MBD5: variants seen among roughly 807,000 people sequenced by gnomAD.
The protein encoded by MBD5 is methyl-CpG-binding domain protein 5.
A neutral mutation model predicts 117.3 loss-of-function variants in MBD5; 13 were observed. The observed-to-expected ratio is 0.11, with a 90% CI of 0.07 to 0.18. MBD5 has a LOEUF of 0.18. MBD5 is among the 10% of genes least tolerant of loss of function. MBD5 has a pLI of 1.00. For missense variants in MBD5, 1,879 were observed against 2,093.8 expected (o/e 0.90, Z 2.00); for synonymous variants, 727 against 766.4 (o/e 0.95, Z 0.85).
At chr2:148,446,222 A>C (rs1706513137) in intron 4 of MBD5, among the ~76,000 whole-genome samples, 3 of 152,108 alleles carry the variant, frequency 2.0e-5, no homozygotes, top group African/African-American at 7.2e-5. Flanking sequence ...CTATGTCCTG[A>C]ATGGTATTGC....
At chr2:148,220,477 A>C (rs1427203230) in intron 2 of MBD5, among the ~76,000 whole-genome samples, 8 of 152,192 alleles carry the variant, frequency 5.3e-5, no homozygotes, top group African/African-American at 1.9e-4. Context: ...TATGTTCCAC[A>C]GTCCCTTATC....
chr2:148,453,224 C>T (rs540715567), intron 4 of MBD5, among the ~76,000 whole-genome samples: 26 of 152,170 alleles, frequency 1.7e-4, no homozygotes, highest in Admixed American at 3.9e-4. Context: ...ACATTACAGT[C>T]ATTTTGACGA....
chr2:148,224,690 T>A (rs991182884), intron 2 of MBD5, among the ~76,000 whole-genome samples: 37 of 151,980 alleles, frequency 2.4e-4, no homozygotes, highest in African/African-American at 8.7e-4. Context: ...TTGGGGCCTA[T>A]CTCTATCTTT....
intron 4 of MBD5, among the ~76,000 whole-genome samples, chr2:148,432,877 A>T (rs1706032412): frequency 6.6e-6 from 1 of 152,110 alleles, no homozygotes; most frequent in Admixed American, 6.6e-5. Flanking sequence ...TATGAATTTT[A>T]AAATAGTTTT....
chr2:148,299,951 T>G (rs1014602183), intron 3 of MBD5, among the ~76,000 whole-genome samples: 2 of 152,202 alleles, frequency 1.3e-5, no homozygotes, highest in Non-Finnish European at 1.5e-5. Context: ...TGTCAGTGCT[T>G]TTGCTTTCAC....
intron 4 of MBD5, among the ~76,000 whole-genome samples, chr2:148,447,387 G>A (rs1363478779): frequency 6.6e-6 from 1 of 152,046 alleles, no homozygotes; most frequent in African/African-American, 2.4e-5. Flanking sequence ...GTTTTAGCTG[G>A]CTTACTGGCC....
chr2:148,208,661 T>A (rs1699345315), intron 2 of MBD5, among the ~76,000 whole-genome samples: 1 of 151,688 alleles, frequency 6.6e-6, no homozygotes. Flanking sequence ...TGTTCTTTTT[T>A]TTTTTTTTTC....
intron 1 of MBD5, among the ~76,000 whole-genome samples, chr2:148,148,060 T>G (rs1697514970): frequency 6.6e-6 from 1 of 152,172 alleles, no homozygotes; most frequent in Non-Finnish European, 1.5e-5. Context: ...CTCCAGCTAT[T>G]AAAGCCATCT....
rs1191592008 is a variant in MBD5 at position 148,364,120 on chromosome 2, AT to A, written c.-557+21785del. The stretch of plus-strand genomic sequence containing the variant: ...AAAGGTCAGGTTATCCACAAAGGGA[AT>A]CCCATCAGGCTAACAGCAGATATCT... On this transcript the variant is annotated intron_variant, in intron 4 of 13. Transcript: ENST00000642680. Among the ~76,000 whole-genome samples the A allele has an allele frequency of 3.3e-5, 5 of 152,356 alleles. No individual in the cohort carries two copies. The East Asian group carries it at 9.6e-4, about 29-fold the overall frequency.
At chr2:148,313,637 C>T (rs1289474486) in intron 3 of MBD5, among the ~76,000 whole-genome samples, 1 of 152,158 alleles carries the variant, frequency 6.6e-6, no homozygotes, top group Admixed American at 6.5e-5. Flanking sequence ...GCCCCCTTTC[C>T]AGGGGAGTGA....
At chr2:148,442,418 T>C (rs1706355540) in intron 4 of MBD5, among the ~76,000 whole-genome samples, 2 of 151,364 alleles carry the variant, frequency 1.3e-5, no homozygotes, top group Non-Finnish European at 2.9e-5. Flanking sequence ...TTGTGTGTTA[T>C]GATGACTGCT....
At chr2:148,203,612 A>G (rs1169693583) in intron 2 of MBD5, among the ~76,000 whole-genome samples, 2 of 152,144 alleles carry the variant, frequency 1.3e-5, no homozygotes, top group East Asian at 1.9e-4. Context: ...GGTTCACATT[A>G]TTGTTGCAAT....
intron 1 of MBD5, among the ~76,000 whole-genome samples, chr2:148,132,113 T>A (rs1458747373): frequency 6.6e-6 from 1 of 152,144 alleles, no homozygotes; most frequent in Non-Finnish European, 1.5e-5. Context: ...GCTTACTGCA[T>A]AGATCTATTA....
intron 1 of MBD5, among the ~76,000 whole-genome samples, chr2:148,057,050 TTTG>T (rs1694885899): frequency 1.3e-5 from 2 of 151,974 alleles, no homozygotes; most frequent in Admixed American, 6.5e-5. Context: ...GTATGCATTA[TTTG>T]TTGTTTCATT....
At chr2:148,231,039 C>A (rs1699969861) in intron 2 of MBD5, among the ~76,000 whole-genome samples, 1 of 152,146 alleles carries the variant, frequency 6.6e-6, no homozygotes, top group African/African-American at 2.4e-5. Context: ...CACTCCCTTC[C>A]CCACCCTGGC....
chr2:148,128,981 G>T (rs1696969689), intron 1 of MBD5, among the ~76,000 whole-genome samples: 1 of 152,162 alleles, frequency 6.6e-6, no homozygotes, highest in South Asian at 2.1e-4. Flanking sequence ...GCAAAGGTGT[G>T]ATCGCTAAGA....
At chr2:148,440,189 C>G (rs534780525) in intron 4 of MBD5, among the ~76,000 whole-genome samples, 2 of 152,264 alleles carry the variant, frequency 1.3e-5, no homozygotes, top group African/African-American at 4.8e-5. Flanking sequence ...GAAAACTAGT[C>G]TAATCTATTA....
chr2:148,503,978 A>G (rs1283327454), intron 12 of MBD5, among the ~76,000 whole-genome samples: 3 of 152,232 alleles, frequency 2.0e-5, no homozygotes, highest in East Asian at 3.8e-4. Flanking sequence ...TATGTACAAA[A>G]TAAAGTTAAT....
chr2:148,274,753 G>A lies in MBD5; in HGVS notation c.-680+41358G>A, dbSNP rs111276987. Among the ~76,000 whole-genome samples, 837 of 141,698 alleles carry A rather than the reference G, an allele frequency of 5.9e-3. 9 individuals carry two copies. The highest frequency in any genetic ancestry group is 0.021 in the African/African-American group (811 of 38,374). The allele number at this position is 141,698 out of a possible 152,430, so 93.0% of individuals were successfully genotyped here. ...TTTTTTTTTTTTGAGACAGAGTTTC[G>A]CTCTTGTTGCTGAGGCTGGAGTGCA... On this transcript the variant is annotated intron_variant, in intron 3 of 13. Coordinates refer to ENST00000642680, the MANE Select transcript of MBD5 (RefSeq NM_001378120.1).
Sources: allele counts gnomAD v4.1 joint callset (sites outside exome capture counted in the v4.1 genomes callset), GRCh38; gene constraint gnomAD v4.1.1; transcripts MANE v1.5; gene names NCBI Gene and HGNC (gene_info 2026-07-23, HGNC 2026-07-21).